The following GNA14 variants were observed in gnomAD, a reference collection of about 807,000 sequenced individuals.
The protein encoded by GNA14 is guanine nucleotide-binding protein subunit alpha-14.
A neutral mutation model predicts 42.0 loss-of-function variants in GNA14; 50 were observed. The observed-to-expected ratio is 1.19, with a 90% CI of 0.95 to 1.51. GNA14 has a LOEUF of 1.51. Among genes scored for constraint, GNA14 ranks in the 40% most tolerant of loss-of-function variants. GNA14 has a pLI of 0.00. For missense variants in GNA14, 473 were observed against 446.2 expected, an observed-to-expected ratio of 1.06 and a Z score of -0.54; for synonymous variants, 173 against 163.1, an observed-to-expected ratio of 1.06 and a Z score of -0.46.
intron 1 of GNA14, among the ~76,000 whole-genome samples, chr9:77,576,185 A>C (rs73651549): frequency 0.024 from 3,595 of 152,116 alleles, 139 homozygotes; most frequent in African/African-American, 0.081. Flanking sequence ...TAAGGGAGAG[A>C]GATTGAGGGA....
intron 2 of GNA14, among the ~76,000 whole-genome samples, chr9:77,506,967 T>C (rs1166321976): frequency 6.6e-6 from 1 of 152,206 alleles, no homozygotes; most frequent in African/African-American, 2.4e-5. Flanking sequence ...TTGAGATATC[T>C]TGCCTCTTAT....
rs965889371 is a variant in GNA14 at position 77,626,174 on chromosome 9, G to T, written c.124+21496C>A. ...ATTACATAATGGTAAAGGGATCAATGCAAAAAGAAGAGCTAACTATCCTAA... is the reference window on the plus strand; with the variant it reads ...ATTACATAATGGTAAAGGGATCAATTCAAAAAGAAGAGCTAACTATCCTAA... On this transcript the variant is annotated intron_variant, in intron 1 of 6. Coordinates refer to ENST00000341700, the MANE Select transcript of GNA14 (RefSeq NM_004297.4). 3.9e-5 allele frequency among the ~76,000 whole-genome samples: 6 copies of T among 152,188 alleles called. No individual in the cohort carries two copies. In the East Asian group the frequency reaches 1.2e-3, roughly 29 times the overall value.
intron 1 of GNA14, among the ~76,000 whole-genome samples, chr9:77,609,239 C>G (rs556886802): frequency 1.3e-5 from 2 of 152,302 alleles, no homozygotes; most frequent in Non-Finnish European, 2.9e-5. Flanking sequence ...TGCTCTGTCA[C>G]TTTATAATAA....
At chr9:77,476,342 G>A (rs1162983546) in intron 2 of GNA14, among the ~76,000 whole-genome samples, 2 of 152,166 alleles carry the variant, frequency 1.3e-5, no homozygotes, top group East Asian at 3.9e-4. Flanking sequence ...GGTAATGAGG[G>A]GGAGGCGCCC....
intron 1 of GNA14, among the ~76,000 whole-genome samples, chr9:77,588,560 G>T (rs946200407): frequency 6.6e-6 from 1 of 152,130 alleles, no homozygotes; most frequent in East Asian, 1.9e-4. Context: ...AGAAGAGAAG[G>T]AAAGTTTAAA....
chr9:77,452,995 C>T (rs1034739727), intron 2 of GNA14, among the ~76,000 whole-genome samples: 6 of 151,986 alleles, frequency 3.9e-5, no homozygotes, highest in African/African-American at 1.5e-4. Context: ...AACAAGTAAC[C>T]AGCCGGGTGG....
At chr9:77,558,617 T>C (rs962702490) in intron 1 of GNA14, among the ~76,000 whole-genome samples, 10 of 152,020 alleles carry the variant, frequency 6.6e-5, no homozygotes, top group African/African-American at 2.2e-4. Context: ...CTAGAAAATG[T>C]ATCTAGGGAA....
chr9:77,621,573 T>G (rs1260896912), intron 1 of GNA14, among the ~76,000 whole-genome samples: 2 of 152,184 alleles, frequency 1.3e-5, no homozygotes, highest in Admixed American at 6.5e-5. Flanking sequence ...TCTTTCTCAT[T>G]TCCTCCACCT....
chr9:77,485,089 A>G (rs1326018417), intron 2 of GNA14, among the ~76,000 whole-genome samples: 1 of 152,160 alleles, frequency 6.6e-6, no homozygotes, highest in Non-Finnish European at 1.5e-5. Context: ...TTCCTTTCAT[A>G]AAAGACTTCG....
At chr9:77,480,264 T>C (rs1330361589) in intron 2 of GNA14, among the ~76,000 whole-genome samples, 3 of 152,130 alleles carry the variant, frequency 2.0e-5, no homozygotes, top group African/African-American at 7.2e-5. Context: ...GCATGAAGGG[T>C]TGTTGAATTT....
chr9:77,435,385 G>T (rs938256853), intron 2 of GNA14, among the ~76,000 whole-genome samples: 9 of 151,776 alleles, frequency 5.9e-5, no homozygotes, highest in Non-Finnish European at 1.0e-4. Flanking sequence ...AATAATAATT[G>T]ACTTTACTTT....
intron 2 of GNA14, among the ~76,000 whole-genome samples, chr9:77,474,041 A>C (rs1296516283): frequency 6.6e-6 from 1 of 152,204 alleles, no homozygotes; most frequent in Non-Finnish European, 1.5e-5. Flanking sequence ...GAAGAGCTAA[A>C]ACTATAAAAC....
At chr9:77,431,642 G>A (rs1026260794) in intron 3 of GNA14, 193 bp from the exon 4 acceptor site, 3 of 502,958 alleles carry the variant, frequency 6.0e-6, no homozygotes, top group African/African-American at 3.8e-5. Flanking sequence ...GACAATATGG[G>A]TCAGAAGGAC....
intron 1 of GNA14, among the ~76,000 whole-genome samples, chr9:77,541,078 C>T (rs932780415): frequency 6.6e-5 from 10 of 152,012 alleles, no homozygotes; most frequent in African/African-American, 2.4e-4. Context: ...AGTAGTATCA[C>T]TTGAGTCCTT....
intron 1 of GNA14, among the ~76,000 whole-genome samples, chr9:77,597,249 C>A (rs1479447198): frequency 6.6e-6 from 1 of 152,106 alleles, no homozygotes; most frequent in Non-Finnish European, 1.5e-5. Flanking sequence ...CTAACTTGAC[C>A]CATCAGAACT....
At chr9:77,607,989 A>G (rs940196735) in intron 1 of GNA14, among the ~76,000 whole-genome samples, 1 of 152,196 alleles carries the variant, frequency 6.6e-6, no homozygotes, top group Non-Finnish European at 1.5e-5. Flanking sequence ...GGGAACATTC[A>G]GGCCATAATA....
chr9:77,597,591 T>C (rs999860157), intron 1 of GNA14, among the ~76,000 whole-genome samples: 3 of 151,808 alleles, frequency 2.0e-5, no homozygotes, highest in Admixed American at 6.6e-5. Flanking sequence ...TCTTCAGTGC[T>C]CGTCTTGGTA....
chr9:77,455,690 C>T (rs1227941547), intron 2 of GNA14, among the ~76,000 whole-genome samples: 1 of 152,284 alleles, frequency 6.6e-6, no homozygotes, highest in South Asian at 2.1e-4. Context: ...AATATATATT[C>T]TTGGAGTTAA....
At chr9:77,622,646 G>T (rs769644810) in intron 1 of GNA14, among the ~76,000 whole-genome samples, 5 of 151,636 alleles carry the variant, frequency 3.3e-5, no homozygotes, top group African/African-American at 7.3e-5. Flanking sequence ...CAGCACTTTG[G>T]GAGGCTGAGG....
Sources: allele counts gnomAD v4.1 joint callset (sites outside exome capture counted in the v4.1 genomes callset), GRCh38; gene constraint gnomAD v4.1.1; transcripts MANE v1.5; gene names NCBI Gene and HGNC (gene_info 2026-07-23, HGNC 2026-07-21).